RAP1GAP2: variants seen among roughly 807,000 people sequenced by gnomAD.
The protein encoded by RAP1GAP2 is RAP1 GTPase activating protein 2, also known as rap1 GTPase-activating protein 2.
A neutral mutation model predicts 95.0 loss-of-function variants in RAP1GAP2; 27 were observed. The ratio of observed to expected loss-of-function variants is 0.28; its 90% CI spans 0.21 to 0.39. RAP1GAP2 has a LOEUF of 0.39. RAP1GAP2 is among the 10% of genes least tolerant of loss of function. The probability of loss-of-function intolerance (pLI) is 1.00; values close to 1 mark genes in which losing one functional copy is unlikely to be tolerated. For missense variants in RAP1GAP2, 771 were observed against 970.0 expected (o/e 0.79, Z 2.72); for synonymous variants, 373 against 380.9 (o/e 0.98, Z 0.24).
chr17:2,843,829 G>A (rs372304850), intron 2 of RAP1GAP2, among the ~76,000 whole-genome samples: 286 of 152,046 alleles, frequency 1.9e-3, no homozygotes, highest in Non-Finnish European at 3.2e-3. Context: ...TTGGGAGGAC[G>A]TGATTGGCAC....
chr17:2,812,277 C>CT (rs1188249867), intron 2 of RAP1GAP2, among the ~76,000 whole-genome samples: 11 of 152,292 alleles, frequency 7.2e-5, no homozygotes, highest in South Asian at 4.1e-4. Context: ...CTCAATTAAC[C>CT]TTTTCTCTCT....
Position 3,008,663 on chromosome 17 carries a change from A to G in RAP1GAP2, c.1494+518A>G, listed in dbSNP as rs1371195246. 6.6e-6 allele frequency among the ~76,000 whole-genome samples: 1 copy of G among 152,222 alleles called. No individual in the cohort carries two copies. The highest frequency in any genetic ancestry group is 1.5e-5 in the Non-Finnish European group (1 of 68,040). On this transcript the variant is annotated intron_variant, in intron 17 of 24. Transcript: ENST00000254695. This position sits in a 1 kb window ranked among gnomAD's most constrained non-coding sequence, Gnocchi z 4.2. ...GTCCCTTTGGACTTTGCCAAGGGAA[A>G]AAAACTAACTAGAAGGAGCTGCTAA... is the stretch of plus-strand genomic sequence containing the variant.
chr17:3,005,533 G>A lies in RAP1GAP2; in HGVS notation c.1272+93G>A. On this transcript the variant is annotated intron_variant, in intron 15 of 24. Coordinates refer to ENST00000254695, the MANE Select transcript of RAP1GAP2 (RefSeq NM_015085.5). The surrounding 1 kb of genome is among the most constrained non-coding windows in gnomAD (Gnocchi z 5.2). ...GTTGGGATGGAGCCAAATTCAGGCT[G>A]GGAACATTAGGGAGCTCCTTTTGCA... is the stretch of plus-strand genomic sequence containing the variant. 4 of 1,359,162 alleles carry A rather than the reference G, an allele frequency of 2.9e-6. No homozygotes were observed. The highest frequency in any genetic ancestry group is 4.2e-6 in the Non-Finnish European group (4 of 948,308). The allele number at this position is 1,359,162 out of a possible 1,614,324, so 84.2% of individuals were successfully genotyped here.
chr17:2,905,495 CGGA>C, intron 3 of RAP1GAP2, 127 bp downstream of exon 3: 1 of 847,400 alleles, frequency 1.2e-6, no homozygotes. Context: ...CCTGACACCT[CGGA>C]GGAGGTGATG....
At chr17:2,846,747 C>T (rs1334542527) in intron 2 of RAP1GAP2, among the ~76,000 whole-genome samples, 2 of 152,042 alleles carry the variant, frequency 1.3e-5, no homozygotes, top group Admixed American at 6.6e-5. Flanking sequence ...AGTCCAAGGC[C>T]GCATGCATAG....
intron 1 of RAP1GAP2, among the ~76,000 whole-genome samples, chr17:2,784,499 G>A (rs987443471): frequency 6.8e-6 from 1 of 147,918 alleles, no homozygotes; most frequent in Non-Finnish European, 1.5e-5. Context: ...TTGAACTCCT[G>A]ACCTCAAGTG....
chr17:2,988,787 C>T (rs766713948), intron 11 of RAP1GAP2, among the ~76,000 whole-genome samples: 8 of 152,170 alleles, frequency 5.3e-5, no homozygotes, highest in African/African-American at 9.7e-5. Context: ...GCCGGCCGGG[C>T]GCAGTGGCTC....
intron 2 of RAP1GAP2, among the ~76,000 whole-genome samples, chr17:2,816,231 G>GTT (rs201197626): frequency 6.8e-6 from 1 of 146,614 alleles, no homozygotes; most frequent in Non-Finnish European, 1.5e-5. Context: ...GTGCTGTTTT[G>GTT]TTTTGTTTTT....
At chr17:2,927,535 T>C (rs1262587326) in intron 3 of RAP1GAP2, among the ~76,000 whole-genome samples, 1 of 152,190 alleles carries the variant, frequency 6.6e-6, no homozygotes. Context: ...TTGATCACAC[T>C]GGGTGGACCT....
At chr17:2,905,717 C>T (rs1426180718) in intron 3 of RAP1GAP2, among the ~76,000 whole-genome samples, 1 of 152,174 alleles carries the variant, frequency 6.6e-6, no homozygotes, top group Non-Finnish European at 1.5e-5. Flanking sequence ...CTGTGGCCCT[C>T]CTGGGACTTG....
chr17:2,868,710 G>C (rs372229371), intron 2 of RAP1GAP2, among the ~76,000 whole-genome samples: 1 of 151,944 alleles, frequency 6.6e-6, no homozygotes, highest in Non-Finnish European at 1.5e-5. Flanking sequence ...GTAGAGACAG[G>C]GTCTCACCAT....
chr17:2,922,766 T>C (rs1377040752), intron 3 of RAP1GAP2, among the ~76,000 whole-genome samples: 1 of 152,148 alleles, frequency 6.6e-6, no homozygotes, highest in East Asian at 1.9e-4. Flanking sequence ...GAATCCTCAT[T>C]GATTGATCCA....
chr17:2,985,899 C>T (rs942589420), intron 11 of RAP1GAP2, among the ~76,000 whole-genome samples: 2 of 152,076 alleles, frequency 1.3e-5, no homozygotes, highest in African/African-American at 4.8e-5. Flanking sequence ...TCTTTCCTAC[C>T]ATGAACATTT....
At chr17:2,856,211 TAGAA>T (rs1176337356) in intron 2 of RAP1GAP2, among the ~76,000 whole-genome samples, 1 of 152,134 alleles carries the variant, frequency 6.6e-6, no homozygotes, top group Non-Finnish European at 1.5e-5. Flanking sequence ...ATGGGCTTGA[TAGAA>T]AGGCAGATGC....
intron 2 of RAP1GAP2, among the ~76,000 whole-genome samples, chr17:2,844,484 G>T (rs1277777952): frequency 6.6e-6 from 1 of 152,206 alleles, no homozygotes; most frequent in Admixed American, 6.6e-5. Flanking sequence ...CTTATGGAAA[G>T]GGGGTGGAAA....
intron 4 of RAP1GAP2, among the ~76,000 whole-genome samples, chr17:2,959,752 T>C (rs1273929406): frequency 6.6e-6 from 1 of 152,224 alleles, no homozygotes; most frequent in Non-Finnish European, 1.5e-5. Context: ...TGACGCTTTC[T>C]AGCTGAGTAT....
intron 2 of RAP1GAP2, among the ~76,000 whole-genome samples, chr17:2,832,384 C>T (rs1292222543): frequency 2.7e-5 from 4 of 150,772 alleles, no homozygotes; most frequent in East Asian, 2.0e-4. Flanking sequence ...CGGTGAAACC[C>T]CATCTCTACT....
chr17:2,773,232 G>A (rs1323586378), upstream of RAP1GAP2, among the ~76,000 whole-genome samples: 2 of 152,136 alleles, frequency 1.3e-5, no homozygotes, highest in Non-Finnish European at 2.9e-5. Flanking sequence ...AGTTATTAAA[G>A]AGGAGGTGTG....
chr17:2,822,642 T>G (rs933467096), intron 2 of RAP1GAP2, among the ~76,000 whole-genome samples: 6 of 149,548 alleles, frequency 4.0e-5, no homozygotes, highest in African/African-American at 1.5e-4. Flanking sequence ...TTTTTTTTTT[T>G]TTTTTTTTAA....
Sources: gnomAD v4.1 joint callset for allele counts (sites outside exome capture counted in the v4.1 genomes callset) on GRCh38, gnomAD v4.1.1 for gene constraint, Gnocchi (gnomAD v3.1) non-coding constraint, MANE v1.5 for transcripts, NCBI Gene and HGNC (gene_info 2026-07-23, HGNC 2026-07-21) for gene names.